Variants in SPATA31F3 observed in about 807,000 individuals in gnomAD.
The protein encoded by SPATA31F3 is SPATA31 subfamily F member 3.
At chr9:34,893,627 A>G in the SPATA31F3 span, among the ~76,000 whole-genome samples, 16 of 151,660 alleles carry the variant, frequency 1.1e-4, no homozygotes, top group South Asian at 2.1e-4. Flanking sequence ...AAAAGAAAAG[A>G]AAAAGAAAAA....
the SPATA31F3 span, chr9:34,895,484 T>G: frequency 2.5e-6 from 1 of 398,012 alleles, no homozygotes; most frequent in Non-Finnish European, 4.4e-6. Context: ...GGAGACCCCT[T>G]TAAAAAGCAA....
chr9:34,892,838 G>T, the SPATA31F3 span: 2 of 693,314 alleles, frequency 2.9e-6, no homozygotes, highest in Non-Finnish European at 5.3e-6. Flanking sequence ...GTCTGCACCA[G>T]CTGACCGGGC....
At chr9:34,890,244 G>A in the SPATA31F3 span, among the ~76,000 whole-genome samples, 1 of 152,200 alleles carries the variant, frequency 6.6e-6, no homozygotes, top group African/African-American at 2.4e-5. Flanking sequence ...CTCTCTGGCT[G>A]GGGAGAGCTC....
At chr9:34,892,533 C>T in the SPATA31F3 span, 4 of 413,088 alleles carry the variant, frequency 9.7e-6, no homozygotes, top group African/African-American at 2.0e-5. Context: ...CTTGAAGATT[C>T]CTCAGGACTT....
chr9:34,894,110 T>G, the SPATA31F3 span, among the ~76,000 whole-genome samples: 1 of 152,134 alleles, frequency 6.6e-6, no homozygotes, highest in Non-Finnish European at 1.5e-5. Context: ...GATGACTTCT[T>G]TACGCAAAAT....
At chr9:34,891,317 A>G in the SPATA31F3 span, among the ~76,000 whole-genome samples, 1 of 152,212 alleles carries the variant, frequency 6.6e-6, no homozygotes, top group Non-Finnish European at 1.5e-5. Context: ...ATACTGCAGA[A>G]CCAGTGATTT....
At chr9:34,892,937 C>A in the SPATA31F3 span, 1 of 685,160 alleles carries the variant, frequency 1.5e-6, no homozygotes, top group Non-Finnish European at 2.7e-6. Context: ...TTTCGGGGAG[C>A]CCAGATCCTG....
At chr9:34,889,803 C>A in the SPATA31F3 span, among the ~76,000 whole-genome samples, 3 of 152,188 alleles carry the variant, frequency 2.0e-5, no homozygotes, top group African/African-American at 7.2e-5. Flanking sequence ...AAATTTACCC[C>A]TTCAAATACT....
the SPATA31F3 span, chr9:34,889,294 G>A: frequency 1.3e-5 from 5 of 398,612 alleles, no homozygotes; most frequent in Middle Eastern, 6.2e-4. Context: ...ACAGAGTTTG[G>A]AGCATTTGTA....
At chr9:34,894,430 G>A in the SPATA31F3 span, 6 of 398,502 alleles carry the variant, frequency 1.5e-5, no homozygotes, top group Admixed American at 4.4e-5. Context: ...CTGCAAAGAA[G>A]AAGAGATTAC....
At chr9:34,890,135 C>G in the SPATA31F3 span, among the ~76,000 whole-genome samples, 3 of 152,160 alleles carry the variant, frequency 2.0e-5, no homozygotes, top group Non-Finnish European at 2.9e-5. Context: ...AAAGTTTTAC[C>G]TAAGAAAGAT....
the SPATA31F3 span, chr9:34,892,534 C>G: frequency 2.4e-6 from 1 of 413,136 alleles, no homozygotes. Context: ...TTGAAGATTC[C>G]TCAGGACTTT....
At chr9:34,889,176 G>A in the SPATA31F3 span, 2 of 398,520 alleles carry the variant, frequency 5.0e-6, no homozygotes, top group African/African-American at 4.1e-5. Flanking sequence ...AGGAACCTAT[G>A]AACTCCTTTT....
At chr9:34,894,723 C>T in the SPATA31F3 span, among the ~76,000 whole-genome samples, 1 of 152,208 alleles carries the variant, frequency 6.6e-6, no homozygotes, top group South Asian at 2.1e-4. Flanking sequence ...TCATCACATG[C>T]CCATTTTATG....
the SPATA31F3 span, chr9:34,895,479 C>T: frequency 2.5e-6 from 1 of 397,818 alleles, no homozygotes; most frequent in Non-Finnish European, 4.4e-6. Context: ...AGTGAGGAGA[C>T]CCCTTTAAAA....
chr9:34,891,242 C>T, the SPATA31F3 span, among the ~76,000 whole-genome samples: 1 of 152,174 alleles, frequency 6.6e-6, no homozygotes, highest in Non-Finnish European at 1.5e-5. Flanking sequence ...ATATGTGTCA[C>T]TTCCAGGTCC....
At chr9:34,889,677 A>G in the SPATA31F3 span, 1 of 398,472 alleles carries the variant, frequency 2.5e-6, no homozygotes, top group Non-Finnish European at 4.4e-6. Flanking sequence ...TGCCCTTACC[A>G]GACCCTGCAA....
At chr9:34,894,406 T>C in the SPATA31F3 span, 1 of 398,576 alleles carries the variant, frequency 2.5e-6, no homozygotes, top group Non-Finnish European at 4.4e-6. Context: ...CAGACCAGAC[T>C]AGCAGCTGGG....
chr9:34,892,345 T>G, the SPATA31F3 span, among the ~76,000 whole-genome samples: 1 of 152,226 alleles, frequency 6.6e-6, no homozygotes, highest in East Asian at 1.9e-4. Context: ...GAAGCTCATC[T>G]GTTCAGCAGA....
Sources: allele counts gnomAD v4.1 joint callset (sites outside exome capture counted in the v4.1 genomes callset), GRCh38; gene constraint gnomAD v4.1.1; transcripts MANE v1.5; gene names NCBI Gene and HGNC (gene_info 2026-07-23, HGNC 2026-07-21).